CNNM2: variants seen among roughly 807,000 people sequenced by gnomAD.
CNNM2 encodes cyclin and CBS domain divalent metal cation transport mediator 2.
A neutral mutation model predicts 66.9 loss-of-function variants in CNNM2; 12 were observed. The observed-to-expected ratio is 0.18, with a 90% CI of 0.11 to 0.29. The LOEUF is 0.29. Among genes scored for constraint, CNNM2 ranks in the 10% least tolerant of loss-of-function variants. CNNM2 has a pLI of 1.00. For synonymous variants in CNNM2, 557 were observed against 501.8 expected (o/e 1.11, Z -1.47); for missense variants, 705 against 1,167.7 (o/e 0.60, Z 5.77).
chr10:102,969,414 A>G (rs369152966), intron 1 of CNNM2, among the ~76,000 whole-genome samples: 18 of 149,774 alleles, frequency 1.2e-4, no homozygotes, highest in African/African-American at 3.2e-4. Flanking sequence ...GGGTTTCACC[A>G]TGTTGGCCAG....
chr10:102,975,403 A>T (rs956677939), intron 1 of CNNM2, among the ~76,000 whole-genome samples: 2 of 150,694 alleles, frequency 1.3e-5, no homozygotes, highest in African/African-American at 4.9e-5. Flanking sequence ...CAGAGTGGTG[A>T]CAGTGAACTG....
intron 1 of CNNM2, among the ~76,000 whole-genome samples, chr10:103,036,549 G>T (rs778734297): frequency 1.3e-5 from 2 of 152,160 alleles, no homozygotes; most frequent in Non-Finnish European, 2.9e-5. Flanking sequence ...AAATCATCCT[G>T]CCACAGGTGT....
intron 4 of CNNM2, among the ~76,000 whole-genome samples, chr10:103,066,911 T>C (rs2065487976): frequency 6.6e-6 from 1 of 152,120 alleles, no homozygotes; most frequent in Non-Finnish European, 1.5e-5. Flanking sequence ...GTGGATTTTA[T>C]ATCATGGGTG....
Position 103,079,424 on chromosome 10 carries a change from T to A in CNNM2, c.*2244T>A, listed in dbSNP as rs2065735245. 6.6e-6 allele frequency: 1 copy of A among 152,160 alleles called. No individual in the cohort carries two copies. Among genetic ancestry groups the A allele is most frequent in the Non-Finnish European group, 1.5e-5 (1 of 68,068 alleles). The allele number at this position is 152,160 out of a possible 1,614,324, so 9.4% of individuals were successfully genotyped here. A position where few individuals can be genotyped will look rare whatever the true frequency, so the allele number is the denominator to read the frequency against. ...CTCACGTCTGCTTCTCCACACACAG[T>A]CTCTCGGGGATGCCTTGCTACTGGG... On this transcript the variant is annotated 3_prime_UTR_variant, in exon 8 of 8. Coordinates refer to ENST00000369878, the MANE Select transcript of CNNM2 (RefSeq NM_017649.5).
At chr10:103,004,714 A>G (rs1180865290) in intron 1 of CNNM2, among the ~76,000 whole-genome samples, 1 of 152,214 alleles carries the variant, frequency 6.6e-6, no homozygotes, top group Non-Finnish European at 1.5e-5. Context: ...TACATCTCCA[A>G]CAGCAGTGCA....
At chr10:103,055,891 C>G (rs796890981) in intron 3 of CNNM2, among the ~76,000 whole-genome samples, 20 of 152,186 alleles carry the variant, frequency 1.3e-4, no homozygotes, top group African/African-American at 4.3e-4. Context: ...TGCTTGAGAC[C>G]AGTCTGGCCA....
At chr10:103,074,071 TGA>T (rs2065647804) in intron 6 of CNNM2, among the ~76,000 whole-genome samples, 1 of 151,902 alleles carries the variant, frequency 6.6e-6, no homozygotes, top group Non-Finnish European at 1.5e-5. Flanking sequence ...GTGGATCACC[TGA>T]GGTCAGGAGT....
At chr10:103,019,673 A>G (rs1337325947) in intron 1 of CNNM2, among the ~76,000 whole-genome samples, 1 of 152,166 alleles carries the variant, frequency 6.6e-6, no homozygotes, top group Non-Finnish European at 1.5e-5. Context: ...AAGGGAAGGA[A>G]TAGTTTTACC....
intron 1 of CNNM2, among the ~76,000 whole-genome samples, chr10:102,990,401 C>T (rs1041309095): frequency 6.6e-6 from 1 of 151,936 alleles, no homozygotes. Flanking sequence ...AGGGATTTTG[C>T]GTGGGAATAA....
intron 1 of CNNM2, among the ~76,000 whole-genome samples, chr10:103,008,281 C>G (rs1468505696): frequency 6.6e-6 from 1 of 152,072 alleles, no homozygotes; most frequent in Non-Finnish European, 1.5e-5. Flanking sequence ...GGACCCAGGG[C>G]AAGATGAAAA....
At chr10:103,065,286 C>T (rs183762171) in intron 4 of CNNM2, among the ~76,000 whole-genome samples, 76 of 152,234 alleles carry the variant, frequency 5.0e-4, no homozygotes, top group African/African-American at 1.8e-3. Context: ...TAGAATCACC[C>T]GGAAATCTTT....
At chr10:102,968,178 A>C (rs2063494332) in intron 1 of CNNM2, among the ~76,000 whole-genome samples, 1 of 152,118 alleles carries the variant, frequency 6.6e-6, no homozygotes, top group African/African-American at 2.4e-5. Flanking sequence ...TGTATGTACC[A>C]TTTTACAACC....
At chr10:103,036,064 T>TC (rs1430588362) in intron 1 of CNNM2, among the ~76,000 whole-genome samples, 14 of 152,088 alleles carry the variant, frequency 9.2e-5, no homozygotes, top group African/African-American at 3.4e-4. Context: ...TTTCTGTTAA[T>TC]CCCTTTGTGG....
intron 1 of CNNM2, among the ~76,000 whole-genome samples, chr10:103,039,358 A>G (rs1196593887): frequency 6.6e-6 from 1 of 152,100 alleles, no homozygotes; most frequent in Non-Finnish European, 1.5e-5. Flanking sequence ...GTTGGTCTCG[A>G]ACTCCTGACC....
At chr10:102,951,947 GC>G (rs1002990822) in intron 1 of CNNM2, among the ~76,000 whole-genome samples, 2 of 152,222 alleles carry the variant, frequency 1.3e-5, no homozygotes, top group African/African-American at 4.8e-5. Context: ...GGGATCACAG[GC>G]ATGCGCCACC....
intron 1 of CNNM2, among the ~76,000 whole-genome samples, chr10:103,040,936 G>T (rs1325426395): frequency 6.6e-6 from 1 of 152,182 alleles, no homozygotes; most frequent in Non-Finnish European, 1.5e-5. Context: ...TACGGGAGGA[G>T]AATTGCTTCT....
intron 1 of CNNM2, among the ~76,000 whole-genome samples, chr10:102,923,052 G>A (rs1845713410): frequency 6.6e-6 from 1 of 152,060 alleles, no homozygotes; most frequent in Admixed American, 6.5e-5. Context: ...TTATTAAAGA[G>A]GAGGAAATAG....
At chr10:103,015,135 T>C (rs1017615319) in intron 1 of CNNM2, among the ~76,000 whole-genome samples, 5 of 152,172 alleles carry the variant, frequency 3.3e-5, no homozygotes, top group African/African-American at 9.7e-5. Flanking sequence ...CTTATACAAA[T>C]ATATCACTAC....
In CNNM2 at chr10:103,089,582, C is replaced by T; in HGVS notation, c.*12402C>T. 4 of 1,440,504 alleles carry T rather than the reference C, an allele frequency of 2.8e-6. No homozygotes were observed. In the South Asian group the frequency reaches 6.3e-5, roughly 23 times the overall value. The allele number at this position is 1,440,504 out of a possible 1,614,324, so 89.2% of individuals were successfully genotyped here. A position where few individuals can be genotyped will look rare whatever the true frequency, so the allele number is the denominator to read the frequency against. ...ACCTTTCATGGAGCCCCCTCCCTCC[C>T]CCGAGTAGAACCCTAACAGGGACCT... is the stretch of plus-strand genomic sequence containing the variant. On this transcript the variant is annotated 3_prime_UTR_variant, in exon 8 of 8. Transcript: ENST00000369878.
Sources: gnomAD v4.1 joint callset for allele counts (sites outside exome capture counted in the v4.1 genomes callset) on GRCh38, gnomAD v4.1.1 for gene constraint, MANE v1.5 for transcripts, NCBI Gene and HGNC (gene_info 2026-07-23, HGNC 2026-07-21) for gene names.